CARS1: variants seen among roughly 807,000 people sequenced by gnomAD.
The protein encoded by CARS1 is cysteine--tRNA ligase, cytoplasmic.
Under a neutral mutation model 106.2 loss-of-function variants are expected in CARS1, and 48 were observed. The ratio of observed to expected loss-of-function variants is 0.45; its 90% CI spans 0.36 to 0.57. CARS1 has a LOEUF of 0.57. Ranked by LOEUF, CARS1 falls within the 20% of genes least tolerant of loss-of-function variation. The probability of loss-of-function intolerance (pLI) is 0.00; values close to 1 mark genes in which losing one functional copy is unlikely to be tolerated. For synonymous variants in CARS1, 409 were observed against 403.4 expected (o/e 1.01, Z -0.17); for missense variants, 968 against 1,057.2 (o/e 0.92, Z 1.17).
At chr11:3,015,707 G>C in intron 17 of CARS1, 74 bp downstream of exon 17, 1 of 1,343,910 alleles carries the variant, frequency 7.4e-7, no homozygotes, top group South Asian at 1.2e-5. Flanking sequence ...AGGAGGGGCA[G>C]TTCAGAGGGA....
intron 20 of CARS1, among the ~76,000 whole-genome samples, chr11:3,002,844 G>A (rs1389001905): frequency 2.0e-5 from 3 of 152,184 alleles, no homozygotes; most frequent in African/African-American, 7.2e-5. Context: ...TAGATGCAAA[G>A]GTATGCAGCA....
chr11:3,026,709 C>T lies in CARS1; in HGVS notation c.1120G>A (p.Val374Ile), dbSNP rs563288369. Residue 374 changes from valine to isoleucine, a missense_variant, in exon 10 of 23, where the codon GTT (valine) becomes ATT (isoleucine). Val to Ile is a conservative substitution (Grantham distance 29, BLOSUM62 3). Coordinates refer to ENST00000380525, the MANE Select transcript of CARS1 (RefSeq NM_001014437.3). ...HSYGKLVPEA[V>I]GDQKALQEGE... ...TCTTGAAGGGCTTTCTGATCTCCAA[C>T]GGCCTCAGGCACCAGCTTCCCATAG... is the stretch of plus-strand genomic sequence containing the variant. The T allele has an allele frequency of 2.5e-5, 41 of 1,613,992 alleles. No homozygotes were observed. In the East Asian group the frequency reaches 4.0e-4, roughly 16 times the overall value.
intron 7 of CARS1, chr11:3,031,654 C>T (rs1252098321): frequency 6.6e-6 from 1 of 152,192 alleles, no homozygotes; most frequent in Non-Finnish European, 1.5e-5. Context: ...AAACCACTGC[C>T]CCCTAAACTG....
rs145300178 is a variant in CARS1 at position 3,026,746 on chromosome 11, G to C, written c.1083C>G (p.Ser361Arg). The change falls in exon 10 of 23, where the codon AGC (serine) becomes AGG (arginine). Residue 361 changes from serine (S) to arginine (R), a missense_variant. Coordinates refer to ENST00000380525, the MANE Select transcript of CARS1 (RefSeq NM_001014437.3). ...VYFDTAKFASSEKHSYGKLVP... is the reference protein window; with the variant it reads ...VYFDTAKFASREKHSYGKLVP... ...CCAGCTTCCCATAGGAGTGCTTCTC[G>C]CTAGAAGCAAACTTCGCTGTATCAA... The C allele has an allele frequency of 1.9e-5, 31 of 1,613,700 alleles. No individual in the cohort carries two copies. Among genetic ancestry groups the C allele is most frequent in the East Asian group, 1.3e-4 (6 of 44,894 alleles).
chr11:3,024,671 C>T (rs1851882242), intron 10 of CARS1, among the ~76,000 whole-genome samples: 2 of 151,966 alleles, frequency 1.3e-5, no homozygotes, highest in Non-Finnish European at 2.9e-5. Context: ...TGGTCTGGAA[C>T]TCCTGGGCTC....
Position 3,044,553 on chromosome 11 carries a change from C to A in CARS1, c.275-2297G>T, listed in dbSNP as rs556603526. Among the ~76,000 whole-genome samples the A allele has an allele frequency of 6.6e-6, 1 of 152,114 alleles. No homozygotes were observed. The highest frequency in any genetic ancestry group is 1.5e-5 in the Non-Finnish European group (1 of 68,030). On this transcript the variant is annotated intron_variant, in intron 2 of 22. Transcript: ENST00000380525. This position sits in a 1 kb window ranked among gnomAD's most constrained non-coding sequence, Gnocchi z 4.4. Reference sequence around the variant, plus strand: ...CTAGGACTACAGGCACCTGCCACCACGCCCCACCAATTTTTGTATCTTTAG... The same window carrying A: ...CTAGGACTACAGGCACCTGCCACCAAGCCCCACCAATTTTTGTATCTTTAG...
rs1031533617 is a variant in CARS1, at chr11:3,045,821, G to C, written c.274+1932C>G. Among the ~76,000 whole-genome samples the C allele has an allele frequency of 1.3e-5, 2 of 152,206 alleles. No homozygotes were observed. Among genetic ancestry groups the C allele is most frequent in the African/African-American group, 4.8e-5 (2 of 41,446 alleles). On this transcript the variant is annotated intron_variant, in intron 2 of 22. Coordinates refer to ENST00000380525, the MANE Select transcript of CARS1 (RefSeq NM_001014437.3). The surrounding 1 kb of genome is among the most constrained non-coding windows in gnomAD (Gnocchi z 5.6). ...CTCAGTGGGGGAAGCAGCTCTGATT[G>C]TCACAGCTACATGGAGGGAGATCCA...
intron 16 of CARS1, among the ~76,000 whole-genome samples, chr11:3,016,425 G>T (rs528180491): frequency 4.6e-5 from 7 of 151,864 alleles, no homozygotes; most frequent in African/African-American, 1.7e-4. Context: ...GGGTTTCACC[G>T]TGTTAGTCAG....
At chr11:3,024,754 T>C (rs1851890678) in intron 10 of CARS1, among the ~76,000 whole-genome samples, 1 of 152,208 alleles carries the variant, frequency 6.6e-6, no homozygotes, top group African/African-American at 2.4e-5. Flanking sequence ...GGCCAAGTGT[T>C]GTTATCTAAT....
chr11:3,045,402 C>A lies in CARS1; in HGVS notation c.274+2351G>T, dbSNP rs933612062. On this transcript the variant is annotated intron_variant, in intron 2 of 22. Coordinates refer to ENST00000380525, the MANE Select transcript of CARS1 (RefSeq NM_001014437.3). This position sits in a 1 kb window ranked among gnomAD's most constrained non-coding sequence, Gnocchi z 5.6. ...GCCTCAGCCTCCCGAGTAGCTGGGACTATAGGCACCCGCCATCACGCCCGG... is the reference window on the plus strand; with the variant it reads ...GCCTCAGCCTCCCGAGTAGCTGGGAATATAGGCACCCGCCATCACGCCCGG... Among the ~76,000 whole-genome samples the A allele has an allele frequency of 2.0e-5, 3 of 152,094 alleles. No individual in the cohort carries two copies. Among genetic ancestry groups the A allele is most frequent in the Non-Finnish European group, 4.4e-5 (3 of 68,020 alleles).
rs189783536 is a variant in CARS1, at chr11:3,047,209, G to A, written c.274+544C>T. Among the ~76,000 whole-genome samples, 420 of 151,164 alleles carry A rather than the reference G, an allele frequency of 2.8e-3. 1 individual carries two copies. Among genetic ancestry groups the A allele is most frequent in the Non-Finnish European group, 3.9e-3 (267 of 67,854 alleles). Reference sequence around the variant, plus strand: ...GGAGAATGGCATGAACCCGGGAGGTGGAGCTTGCAGTGAGTGGAGATCGCA... The same window carrying A: ...GGAGAATGGCATGAACCCGGGAGGTAGAGCTTGCAGTGAGTGGAGATCGCA... On this transcript the variant is annotated intron_variant, in intron 2 of 22. Transcript: ENST00000380525.
rs1029033678 is a variant in CARS1, at chr11:3,003,765, A to C, written c.2218-1165T>G. On this transcript the variant is annotated intron_variant, in intron 20 of 22. Coordinates refer to ENST00000380525, the MANE Select transcript of CARS1 (RefSeq NM_001014437.3). This position sits in a 1 kb window ranked among gnomAD's most constrained non-coding sequence, Gnocchi z 4.8. ...CTCAGGATTTCTGCTTTTTCCCTTT[A>C]AAAGTTAGTATGTGTTTATGTGCTG... is the stretch of plus-strand genomic sequence containing the variant. Among the ~76,000 whole-genome samples the C allele has an allele frequency of 6.6e-6, 1 of 152,116 alleles. No individual in the cohort carries two copies. Among genetic ancestry groups the C allele is most frequent in the Non-Finnish European group, 1.5e-5 (1 of 68,010 alleles).
rs1022909058 is a variant in CARS1 at position 3,044,862 on chromosome 11, G to C, written c.275-2606C>G. On this transcript the variant is annotated intron_variant, in intron 2 of 22. Transcript: ENST00000380525. This position sits in a 1 kb window ranked among gnomAD's most constrained non-coding sequence, Gnocchi z 4.4. Reference sequence around the variant, plus strand: ...ATAAAATGATGGAGAGGGAAGCCAGGAAGTGGCAAGCAGTCTGCCTACAAC... The same window carrying C: ...ATAAAATGATGGAGAGGGAAGCCAGCAAGTGGCAAGCAGTCTGCCTACAAC... 6.6e-6 allele frequency among the ~76,000 whole-genome samples: 1 copy of C among 152,170 alleles called. No individual in the cohort carries two copies. Among genetic ancestry groups the C allele is most frequent in the East Asian group, 1.9e-4 (1 of 5,198 alleles).
intron 17 of CARS1, among the ~76,000 whole-genome samples, chr11:3,012,867 C>G (rs2519179): frequency 6.6e-6 from 1 of 150,580 alleles, no homozygotes; most frequent in Non-Finnish European, 1.5e-5. Context: ...ATAGAAAAAC[C>G]TTTCTACTAT....
Position 3,039,302 on chromosome 11 carries a change from G to T in CARS1, c.553-10C>A. On this transcript the variant is annotated splice_polypyrimidine_tract_variant and intron_variant, in intron 5 of 22. Coordinates refer to ENST00000380525, the MANE Select transcript of CARS1 (RefSeq NM_001014437.3). The surrounding 1 kb of genome is among the most constrained non-coding windows in gnomAD (Gnocchi z 5.6). ...GGGCCCTCTTGATGATCTGGGGAGG[G>T]AAGGCAGACATTGGGGAGTGATGCT... 4 of 1,568,620 alleles carry T rather than the reference G, an allele frequency of 2.6e-6. No individual in the cohort carries two copies. Among genetic ancestry groups the T allele is most frequent in the Non-Finnish European group, 3.5e-6 (4 of 1,138,814 alleles).
rs146536778 is a variant in CARS1 at position 3,041,376 on chromosome 11, G to C, written c.367-392C>G. On this transcript the variant is annotated intron_variant, in intron 3 of 22. Transcript: ENST00000380525. The surrounding 1 kb of genome is among the most constrained non-coding windows in gnomAD (Gnocchi z 4.9). ...ATATGCAGTACACTCTAGGACGTAG[G>C]TTATGTCATTTTCTTTTTACGGATG... 5.7e-6 allele frequency: 1 copy of C among 176,880 alleles called. No individual in the cohort carries two copies. The highest frequency in any genetic ancestry group is 6.1e-5 in the Admixed American group (1 of 16,510). 11.0% of individuals were successfully genotyped at this position (176,880 alleles called of 1,614,324 possible).
Position 3,026,695 on chromosome 11 carries a change from T to C in CARS1, c.1134A>G (p.Lys378=), listed in dbSNP as rs771684111. ...KLVPEAVGDQ[K]ALQEGEGDLS... is the part of the protein sequence containing the mutation. ...CCTCACCTTCCCCTTCTTGAAGGGC[T>C]TTCTGATCTCCAACGGCCTCAGGCA... Residue 378 remains lysine, a synonymous_variant, in exon 10 of 23, where the codon AAA becomes AAG. Transcript: ENST00000380525. 4 of 1,613,870 alleles carry C rather than the reference T, an allele frequency of 2.5e-6. No individual in the cohort carries two copies.
chr11:3,016,115 G>A (rs969890788), intron 16 of CARS1, among the ~76,000 whole-genome samples: 3 of 152,172 alleles, frequency 2.0e-5, no homozygotes, highest in African/African-American at 7.2e-5. Flanking sequence ...GGAGGAGAGG[G>A]GAGGGGAGTT....
intron 7 of CARS1, among the ~76,000 whole-genome samples, chr11:3,036,120 G>GA (rs1491065111): frequency 2.6e-5 from 4 of 152,232 alleles, no homozygotes; most frequent in Non-Finnish European, 5.9e-5. Context: ...CCTGGTGGGG[G>GA]AGAGTGTGCT....
Sources: gnomAD v4.1 joint callset for allele counts (sites outside exome capture counted in the v4.1 genomes callset) on GRCh38, gnomAD v4.1.1 for gene constraint, Gnocchi (gnomAD v3.1) non-coding constraint, MANE v1.5 for transcripts, NCBI Gene and HGNC (gene_info 2026-07-23, HGNC 2026-07-21) for gene names.